The following MCTP1 variants were observed in gnomAD, a reference collection of about 807,000 sequenced individuals.
The protein encoded by MCTP1 is multiple C2 and transmembrane domain containing 1, also known as multiple C2 and transmembrane domain-containing protein 1.
MCTP1 carries 69 observed loss-of-function variants against 120.6 expected under a neutral mutation model. The observed-to-expected ratio is 0.57, with a 90% confidence interval of 0.47 to 0.70. The LOEUF is 0.70. MCTP1 is among the 30% of genes least tolerant of loss of function. The pLI, the probability that MCTP1 is intolerant of heterozygous loss-of-function variation, is 0.00. For missense variants in MCTP1, 1,203 were observed against 1,248.8 expected (o/e 0.96, Z 0.55); for synonymous variants, 529 against 493.1 (o/e 1.07, Z -0.96).
chr5:95,165,637 C>T (rs1229072273), intron 1 of MCTP1, among the ~76,000 whole-genome samples: 2 of 152,176 alleles, frequency 1.3e-5, no homozygotes, highest in African/African-American at 4.8e-5. Flanking sequence ...GCCACATTCT[C>T]CCTCAATCTG....
intron 1 of MCTP1, among the ~76,000 whole-genome samples, chr5:95,198,363 A>G (rs997810142): frequency 6.6e-6 from 1 of 152,204 alleles, no homozygotes; most frequent in Non-Finnish European, 1.5e-5. Context: ...CACATTCAGT[A>G]GAAACCATAC....
intron 19 of MCTP1, among the ~76,000 whole-genome samples, chr5:94,732,654 G>T (rs1763349772): frequency 6.6e-6 from 1 of 152,134 alleles, no homozygotes; most frequent in Admixed American, 6.5e-5. Context: ...ATTACATCAT[G>T]AGGGTGGAAC....
At chr5:94,864,779 T>C (rs1188921236) in intron 17 of MCTP1, among the ~76,000 whole-genome samples, 1 of 151,954 alleles carries the variant, frequency 6.6e-6, no homozygotes, top group Non-Finnish European at 1.5e-5. Context: ...GTGTGTCCTT[T>C]TACTGATAGC....
At chr5:95,182,026 T>A (rs1473030684) in intron 1 of MCTP1, among the ~76,000 whole-genome samples, 1 of 151,894 alleles carries the variant, frequency 6.6e-6, no homozygotes, top group Non-Finnish European at 1.5e-5. Flanking sequence ...AAACAACAAA[T>A]GATAACACAA....
intron 19 of MCTP1, among the ~76,000 whole-genome samples, chr5:94,766,870 C>T (rs1232419724): frequency 1.3e-5 from 2 of 152,146 alleles, no homozygotes; most frequent in Non-Finnish European, 2.9e-5. Context: ...AAAGAACTAA[C>T]AATTCTTTTC....
chr5:95,133,544 A>G (rs940759502), intron 1 of MCTP1, among the ~76,000 whole-genome samples: 1 of 152,230 alleles, frequency 6.6e-6, no homozygotes, highest in African/African-American at 2.4e-5. Context: ...AGTCCCAGCT[A>G]CTTGGGAGGC....
chr5:94,889,003 G>A, intron 11 of MCTP1, 31 bp from the exon 12 acceptor site: 1 of 1,470,976 alleles, frequency 6.8e-7, no homozygotes, highest in Non-Finnish European at 9.5e-7. Context: ...TATTAGAAAA[G>A]GGAGGTCCCA....
At chr5:94,997,877 T>C (rs1393324274) in intron 2 of MCTP1, among the ~76,000 whole-genome samples, 2 of 152,198 alleles carry the variant, frequency 1.3e-5, no homozygotes, top group African/African-American at 2.4e-5. Flanking sequence ...ACATTTAATC[T>C]AAAATTTATC....
At position 94,963,371 on chromosome 5, in the gene MCTP1, A is replaced by G. The variant is rs1480925735; in HGVS notation, c.839-10010T>C. Among the ~76,000 whole-genome samples the G allele has an allele frequency of 1.0e-4, 10 of 96,080 alleles. No homozygotes were observed. In the East Asian group the frequency reaches 2.8e-3, roughly 27 times the overall value. 63.0% of individuals were successfully genotyped at this position (96,080 alleles called of 152,430 possible). On this transcript the variant is annotated intron_variant, in intron 2 of 22. Transcript: ENST00000515393. ...GTAATTCTATTTTTTTTTTTTTTTG[A>G]GAAACCTCCATACTGTTTTCCTTAA...
intron 17 of MCTP1, among the ~76,000 whole-genome samples, chr5:94,844,301 C>CAAAAAAAAAAAAAAAAA (rs59169145): frequency 2.0e-4 from 16 of 79,670 alleles, no homozygotes; most frequent in East Asian, 6.5e-4. Context: ...GACTCTGTCT[C>CAAAAAAAAAAAAAAAAA]AAAAAAAAAA....
chr5:94,990,035 G>A (rs549493872), intron 2 of MCTP1, among the ~76,000 whole-genome samples: 36 of 152,188 alleles, frequency 2.4e-4, no homozygotes, highest in Middle Eastern at 3.4e-3. Flanking sequence ...TGAGTTCTGT[G>A]AACCTTTCTA....
intron 1 of MCTP1, among the ~76,000 whole-genome samples, chr5:95,050,119 T>C (rs1326401950): frequency 2.6e-5 from 4 of 151,916 alleles, no homozygotes; most frequent in Non-Finnish European, 5.9e-5. Context: ...AGCTTAGGGT[T>C]AACTAGGGTT....
intron 1 of MCTP1, among the ~76,000 whole-genome samples, chr5:95,228,230 A>C (rs1051009527): frequency 4.6e-5 from 7 of 152,192 alleles, no homozygotes; most frequent in Admixed American, 1.3e-4. Context: ...ACAACAACAA[A>C]AAACAATGAA....
intron 1 of MCTP1, among the ~76,000 whole-genome samples, chr5:95,119,143 C>A (rs1480270860): frequency 6.6e-6 from 1 of 152,164 alleles, no homozygotes; most frequent in African/African-American, 2.4e-5. Flanking sequence ...GGTCACAAAA[C>A]AAGTCTTAAA....
chr5:94,920,741 C>G (rs372627196), intron 7 of MCTP1, among the ~76,000 whole-genome samples: 1 of 112,514 alleles, frequency 8.9e-6, no homozygotes, highest in East Asian at 2.5e-4. Flanking sequence ...GATTCCGTCT[C>G]AAAATAAATA....
intron 1 of MCTP1, among the ~76,000 whole-genome samples, chr5:95,096,282 T>G (rs1317242562): frequency 6.6e-6 from 1 of 152,230 alleles, no homozygotes; most frequent in Non-Finnish European, 1.5e-5. Flanking sequence ...CCATTATATT[T>G]GGTGCACAAA....
intron 1 of MCTP1, among the ~76,000 whole-genome samples, chr5:95,193,010 T>A (rs1749991967): frequency 6.6e-6 from 1 of 152,202 alleles, no homozygotes; most frequent in Non-Finnish European, 1.5e-5. Context: ...TGCCATGTAG[T>A]TGGTTTACCT....
chr5:95,061,363 T>C (rs1749026115), intron 1 of MCTP1, among the ~76,000 whole-genome samples: 1 of 150,682 alleles, frequency 6.6e-6, no homozygotes. Flanking sequence ...TGTTTTTTTT[T>C]GTTTTCAATG....
intron 2 of MCTP1, among the ~76,000 whole-genome samples, chr5:94,963,928 G>A (rs759971703): frequency 2.8e-4 from 43 of 152,006 alleles, no homozygotes; most frequent in South Asian, 8.3e-4. Context: ...CTTTCCTTCC[G>A]GTAGTTTTTC....
Sources: allele counts gnomAD v4.1 joint callset (sites outside exome capture counted in the v4.1 genomes callset), GRCh38; gene constraint gnomAD v4.1.1; transcripts MANE v1.5; gene names NCBI Gene and HGNC (gene_info 2026-07-23, HGNC 2026-07-21).